TSPEAR: variants seen among roughly 807,000 people sequenced by gnomAD.
TSPEAR encodes the protein thrombospondin-type laminin G domain and EAR repeat-containing protein.
In TSPEAR, 69 loss-of-function variants were observed where a neutral mutation model predicts 71.6. The observed-to-expected ratio is 0.96, with a 90% CI of 0.79 to 1.18. The LOEUF is 1.18. Ranked by LOEUF, TSPEAR falls within the 50% of genes most tolerant of loss-of-function variation. The probability of loss-of-function intolerance (pLI) is 0.00; values close to 1 mark genes in which losing one functional copy is unlikely to be tolerated. For synonymous variants in TSPEAR, 402 were observed against 387.2 expected (o/e 1.04, Z -0.45); for missense variants, 971 against 894.9 (o/e 1.09, Z -1.09).
At chr21:44,641,663 C>T (rs115353630) in intron 1 of TSPEAR, among the ~76,000 whole-genome samples, 1,554 of 152,108 alleles carry the variant, frequency 0.01, 22 homozygotes, top group African/African-American at 0.035. Context: ...ATGACAGTGA[C>T]GAGGGAGGGG....
intron 1 of TSPEAR, chr21:44,690,539 A>G: frequency 2.0e-6 from 2 of 985,322 alleles, no homozygotes; most frequent in Non-Finnish European, 2.4e-6. Context: ...AAGGCTACAG[A>G]CTCACAGAAC....
At chr21:44,647,182 C>T in intron 1 of TSPEAR, 4 of 1,613,796 alleles carry the variant, frequency 2.5e-6, no homozygotes, top group Non-Finnish European at 3.4e-6. Context: ...CCTCCTCTGC[C>T]ACCCCGTGTG....
At chr21:44,686,395 A>T (rs1986857321) in intron 1 of TSPEAR, 1 of 153,920 alleles carries the variant, frequency 6.5e-6, no homozygotes, top group Admixed American at 6.5e-5. Flanking sequence ...CATCTCCACC[A>T]CCTGCTGCCC....
intron 1 of TSPEAR, chr21:44,574,617 G>A: frequency 7.7e-7 from 1 of 1,292,196 alleles, no homozygotes; most frequent in Non-Finnish European, 1.0e-6. Context: ...TGTCTGCTCT[G>A]TGCCCATCTG....
chr21:44,521,018 C>T lies in TSPEAR; in HGVS notation c.1566+865G>A, dbSNP rs1383645386. Among the ~76,000 whole-genome samples the T allele has an allele frequency of 2.6e-5, 4 of 152,344 alleles. No individual in the cohort carries two copies. The East Asian group carries it at 7.7e-4, about 29-fold the overall frequency. ...TGGCAAGAGTGGCCTGGGTTAGTCT[C>T]ACTGCCTCGGGTGCAGAAGGCCCTG... On this transcript the variant is annotated intron_variant, in intron 9 of 11. Coordinates refer to ENST00000323084, the MANE Select transcript of TSPEAR (RefSeq NM_144991.3).
At chr21:44,539,231 T>C in intron 2 of TSPEAR, 1 of 1,565,946 alleles carries the variant, frequency 6.4e-7, no homozygotes, top group South Asian at 1.2e-5. Context: ...CTAACCCAGG[T>C]CAGGAACTGA....
chr21:44,623,404 C>G lies in TSPEAR; in HGVS notation c.83-55399G>C, dbSNP rs1982573098. Among the ~76,000 whole-genome samples the G allele has an allele frequency of 1.3e-5, 2 of 152,194 alleles. No individual in the cohort carries two copies. Among genetic ancestry groups the G allele is most frequent in the African/African-American group, 4.8e-5 (2 of 41,454 alleles). On this transcript the variant is annotated intron_variant, in intron 1 of 11. Coordinates refer to ENST00000323084, the MANE Select transcript of TSPEAR (RefSeq NM_144991.3). This position sits in a 1 kb window ranked among gnomAD's most constrained non-coding sequence, Gnocchi z 4.5. Reference sequence around the variant, plus strand: ...TGCTTTAACTTCATGTAGCCCCCTCCTGAATTTTGTGATCTTCTTGCCATG... The same window carrying G: ...TGCTTTAACTTCATGTAGCCCCCTCGTGAATTTTGTGATCTTCTTGCCATG...
intron 1 of TSPEAR, chr21:44,646,562 G>A (rs1338723991): frequency 1.9e-6 from 3 of 1,612,224 alleles, no homozygotes; most frequent in Non-Finnish European, 1.7e-6. Flanking sequence ...AGCGCCCCCA[G>A]CTGCTGCGCC....
At chr21:44,665,272 G>A (rs587764413) in intron 1 of TSPEAR, among the ~76,000 whole-genome samples, 13 of 152,296 alleles carry the variant, frequency 8.5e-5, no homozygotes, top group Admixed American at 6.5e-4. Flanking sequence ...TCTTGGAATC[G>A]AAGGCAGCCA....
chr21:44,599,113 A>G (rs1176105650), intron 1 of TSPEAR, among the ~76,000 whole-genome samples: 1 of 100,412 alleles, frequency 1.0e-5, no homozygotes, highest in African/African-American at 3.0e-5. Flanking sequence ...TTTGTCCCAT[A>G]TGGAAGCAGA....
At chr21:44,650,420 C>CGGCAGAGACTGGGGCCACGTGACGAT (rs1569240988) in intron 1 of TSPEAR, among the ~76,000 whole-genome samples, 3 of 149,428 alleles carry the variant, frequency 2.0e-5, no homozygotes, top group Non-Finnish European at 3.0e-5. Flanking sequence ...CATGTGACGA[C>CGGCAGAGACTGGGGCCACGTGACGAT]GGCGGCAGAG....
rs370922526 is a variant in TSPEAR at position 44,592,228 on chromosome 21, G to A, written c.83-24223C>T. 8.1e-6 allele frequency: 13 copies of A among 1,601,836 alleles called. No homozygotes were observed. The highest frequency in any genetic ancestry group is 4.2e-5 in the African/African-American group (3 of 72,040). On this transcript the variant is annotated intron_variant, in intron 1 of 11. Coordinates refer to ENST00000323084, the MANE Select transcript of TSPEAR (RefSeq NM_144991.3). ...GCTAGACTGCTGGCAGCACGAGGGCGTGCAGGAGCTGGTGCAGCCTGATTG... is the reference window on the plus strand; with the variant it reads ...GCTAGACTGCTGGCAGCACGAGGGCATGCAGGAGCTGGTGCAGCCTGATTG...
Position 44,627,910 on chromosome 21 carries a change from G to C in TSPEAR, c.83-59905C>G, listed in dbSNP as rs587699794. 8 of 1,519,358 alleles carry C rather than the reference G, an allele frequency of 5.3e-6. No individual in the cohort carries two copies. In the South Asian group the frequency reaches 9.8e-5, roughly 19 times the overall value. 94.1% of individuals were successfully genotyped at this position (1,519,358 alleles called of 1,614,324 possible). ...GTGCAGGCCCGCCTGCTGCGTGCCCGTCTCCTCCTGCTGTGCCCCCACCTC... is the reference window on the plus strand; with the variant it reads ...GTGCAGGCCCGCCTGCTGCGTGCCCCTCTCCTCCTGCTGTGCCCCCACCTC... On this transcript the variant is annotated intron_variant, in intron 1 of 11. Transcript: ENST00000323084.
At chr21:44,669,759 C>A (rs1360240835) in intron 1 of TSPEAR, among the ~76,000 whole-genome samples, 1 of 152,202 alleles carries the variant, frequency 6.6e-6, no homozygotes, top group Non-Finnish European at 1.5e-5. Flanking sequence ...GATGAACATC[C>A]GGATGCCCTT....
At chr21:44,549,118 C>T (rs1361325051) in intron 2 of TSPEAR, among the ~76,000 whole-genome samples, 6 of 152,154 alleles carry the variant, frequency 3.9e-5, no homozygotes, top group African/African-American at 1.2e-4. Context: ...TGGCTGGGGT[C>T]GGACCACACA....
At chr21:44,617,383 A>C (rs911100777) in intron 1 of TSPEAR, among the ~76,000 whole-genome samples, 1 of 152,178 alleles carries the variant, frequency 6.6e-6, no homozygotes, top group Non-Finnish European at 1.5e-5. Context: ...GAGAACAGAC[A>C]CACGGCCTCT....
At chr21:44,529,694 G>A (rs587720276) in intron 5 of TSPEAR, 104 bp downstream of exon 5, 7 of 1,306,176 alleles carry the variant, frequency 5.4e-6, no homozygotes, top group Non-Finnish European at 7.5e-6. Context: ...AGGGGGGCAG[G>A]CACACGAGAG....
chr21:44,580,402 G>A, intron 1 of TSPEAR: 1 of 1,613,090 alleles, frequency 6.2e-7, no homozygotes, highest in Non-Finnish European at 8.5e-7. Context: ...ATTGGCAGGG[G>A]CTGGGCTCAC....
intron 9 of TSPEAR, among the ~76,000 whole-genome samples, chr21:44,509,664 C>T (rs1251856774): frequency 6.6e-6 from 1 of 152,148 alleles, no homozygotes; most frequent in Non-Finnish European, 1.5e-5. Context: ...TTGGCACAGC[C>T]CAGTGCCCGC....
Sources: allele counts gnomAD v4.1 joint callset (sites outside exome capture counted in the v4.1 genomes callset), GRCh38; gene constraint gnomAD v4.1.1; non-coding constraint Gnocchi (gnomAD v3.1); transcripts MANE v1.5; gene names NCBI Gene and HGNC (gene_info 2026-07-23, HGNC 2026-07-21).